The following BANP variants were observed in gnomAD, a reference collection of about 807,000 sequenced individuals.
BANP encodes the protein BTG3 associated nuclear protein.
Under a neutral mutation model 68.1 loss-of-function variants are expected in BANP, and 11 were observed. That is an observed-to-expected ratio of 0.16 (90% CI 0.10 to 0.27). The LOEUF is 0.27. Among genes scored for constraint, BANP ranks in the 10% least tolerant of loss-of-function variants. The pLI is 1.00. For missense variants in BANP, 504 were observed against 722.7 expected, an observed-to-expected ratio of 0.70 and a Z score of 3.47; for synonymous variants, 329 against 303.2, an observed-to-expected ratio of 1.09 and a Z score of -0.88.
chr16:87,980,764 G>C, intron 2 of BANP: 1 of 429,704 alleles, frequency 2.3e-6, no homozygotes, highest in South Asian at 2.6e-5. Context: ...GCCCCGCAGA[G>C]CATGGAGTCA....
chr16:87,993,247 C>A (rs1237335635), intron 4 of BANP, among the ~76,000 whole-genome samples: 1 of 152,224 alleles, frequency 6.6e-6, no homozygotes, highest in Non-Finnish European at 1.5e-5. Flanking sequence ...GTGACTCTTT[C>A]AGCTTTCATC....
At chr16:88,012,648 A>G (rs141930792) in intron 6 of BANP, among the ~76,000 whole-genome samples, 98 of 152,352 alleles carry the variant, frequency 6.4e-4, no homozygotes, top group African/African-American at 2.1e-3. Context: ...CCATCGCCTG[A>G]AAAGTGACCG....
At chr16:87,953,237 A>G (rs1198856749) in intron 1 of BANP, among the ~76,000 whole-genome samples, 1 of 152,122 alleles carries the variant, frequency 6.6e-6, no homozygotes, top group African/African-American at 2.4e-5. Context: ...AATATAATGT[A>G]TACAATAGGA....
intron 4 of BANP, among the ~76,000 whole-genome samples, chr16:87,992,153 G>A (rs1315930319): frequency 6.6e-6 from 1 of 152,206 alleles, no homozygotes; most frequent in African/African-American, 2.4e-5. Context: ...TTTTGTTAAA[G>A]TGAATTACGT....
intron 1 of BANP, among the ~76,000 whole-genome samples, chr16:87,973,069 C>T (rs1426077498): frequency 6.6e-6 from 1 of 151,982 alleles, no homozygotes; most frequent in Non-Finnish European, 1.5e-5. Flanking sequence ...TATGCTGTCA[C>T]CTCGTTCTGT....
chr16:88,068,608 G>C (rs145365431), intron 12 of BANP, among the ~76,000 whole-genome samples: 1 of 152,244 alleles, frequency 6.6e-6, no homozygotes, highest in South Asian at 2.1e-4. Flanking sequence ...CCACTGGTGC[G>C]GGTGCTGGCT....
At chr16:88,076,290 G>T (rs987811082) in intron 13 of BANP, among the ~76,000 whole-genome samples, 1 of 152,188 alleles carries the variant, frequency 6.6e-6, no homozygotes, top group African/African-American at 2.4e-5. Flanking sequence ...GCAGCGGGTT[G>T]GGGGTGGAGA....
rs1416006358 is a variant in BANP at position 88,057,377 on chromosome 16, C to T, written c.1312-7890C>T. Among the ~76,000 whole-genome samples the T allele has an allele frequency of 1.3e-5, 2 of 152,228 alleles. No individual in the cohort carries two copies. Among genetic ancestry groups the T allele is most frequent in the Admixed American group, 6.5e-5 (1 of 15,282 alleles). ...AGCTGCCTGCGAAAGGAAACCTGGG[C>T]GTTACTGCTGCACCAGGATTCCTGG... On this transcript the variant is annotated intron_variant, in intron 11 of 13. Transcript: ENST00000682872. The surrounding 1 kb of genome is among the most constrained non-coding windows in gnomAD (Gnocchi z 4.6).
chr16:87,967,112 C>T (rs1342503357), intron 1 of BANP, among the ~76,000 whole-genome samples: 6 of 152,174 alleles, frequency 3.9e-5, no homozygotes, highest in Non-Finnish European at 4.4e-5. Context: ...TCTGATGCCC[C>T]GCACCCACAG....
At chr16:88,001,637 TATA>T (rs1349030971) in intron 4 of BANP, among the ~76,000 whole-genome samples, 1 of 151,910 alleles carries the variant, frequency 6.6e-6, no homozygotes, top group Non-Finnish European at 1.5e-5. Flanking sequence ...TACAGCATAT[TATA>T]ATATTGATCT....
intron 1 of BANP, chr16:87,966,800 C>G (rs936418799): frequency 5.3e-5 from 8 of 152,330 alleles, no homozygotes; most frequent in Non-Finnish European, 1.0e-4. Flanking sequence ...TGGGTTTAGT[C>G]TGGCTGCACG....
chr16:88,067,978 C>G (rs529708644), intron 12 of BANP, among the ~76,000 whole-genome samples: 1 of 152,272 alleles, frequency 6.6e-6, no homozygotes, highest in Admixed American at 6.5e-5. Context: ...CGCCCTCCCC[C>G]CACTGTCTGC....
Position 87,975,132 on chromosome 16 carries a change from A to T in BANP, c.17A>T (p.Asp6Val). MMSEH[D>V]LADVVQIAVE... Reference sequence around the variant, plus strand: ...GTGCTCTGGATGATGTCGGAACACGACCTGGCCGATGTGGTTCAGATTGCA... The same window carrying T: ...GTGCTCTGGATGATGTCGGAACACGTCCTGGCCGATGTGGTTCAGATTGCA... The change falls in exon 2 of 14, where the codon GAC (aspartate) becomes GTC (valine). Residue 6 changes from aspartate (D) to valine (V), a missense_variant. Transcript: ENST00000682872. The T allele has an allele frequency of 6.2e-7, 1 of 1,613,954 alleles. No individual in the cohort carries two copies. Among genetic ancestry groups the T allele is most frequent in the Non-Finnish European group, 8.5e-7 (1 of 1,179,968 alleles).
At chr16:87,996,207 G>A (rs1483729147) in intron 4 of BANP, among the ~76,000 whole-genome samples, 5 of 152,126 alleles carry the variant, frequency 3.3e-5, no homozygotes, top group South Asian at 2.1e-4. Context: ...CTCTCGCCCC[G>A]TCATTTCCAC....
At chr16:88,063,540 G>A (rs1445202397) in intron 11 of BANP, among the ~76,000 whole-genome samples, 1 of 152,226 alleles carries the variant, frequency 6.6e-6, no homozygotes, top group Non-Finnish European at 1.5e-5. Flanking sequence ...GGTCATTTCT[G>A]ATCTCGCCTT....
At chr16:88,019,786 A>G (rs924905800) in intron 7 of BANP, among the ~76,000 whole-genome samples, 11 of 151,972 alleles carry the variant, frequency 7.2e-5, no homozygotes, top group Admixed American at 2.0e-4. Flanking sequence ...TGGGAAGCAC[A>G]GTGTGGCCCG....
intron 9 of BANP, among the ~76,000 whole-genome samples, chr16:88,034,605 C>T (rs2078910508): frequency 2.5e-4 from 1 of 3,932 alleles, no homozygotes; most frequent in East Asian, 0.038. Flanking sequence ...GCTTCAGCCA[C>T]ACACTGCGTA....
chr16:87,988,354 C>T (rs2064997803), intron 4 of BANP, among the ~76,000 whole-genome samples: 1 of 152,124 alleles, frequency 6.6e-6, no homozygotes, highest in African/African-American at 2.4e-5. Flanking sequence ...ACCTCTGCCT[C>T]CCAGGTTCTA....
In BANP at chr16:88,033,236, G is replaced by A. The variant is rs781030375; in HGVS notation, c.1191G>A (p.Gln397=). 1.2e-6 allele frequency: 2 copies of A among 1,601,230 alleles called. No homozygotes were observed. Among genetic ancestry groups the A allele is most frequent in the South Asian group, 1.1e-5 (1 of 89,818 alleles). ...VQIHQIGEDG[Q]VQVIPQGHLH... is the part of the protein sequence containing the mutation. ...TCCACCAGATCGGAGAAGACGGACA[G>A]GTGCAAGTAGTACGTACCCTCTCCA... The change falls in exon 9 of 14, where the codon CAG becomes CAA. Residue 397 remains glutamine (Q), a synonymous_variant. Transcript: ENST00000682872.
Sources: allele counts gnomAD v4.1 joint callset (sites outside exome capture counted in the v4.1 genomes callset), GRCh38; gene constraint gnomAD v4.1.1; non-coding constraint Gnocchi (gnomAD v3.1); transcripts MANE v1.5; gene names NCBI Gene and HGNC (gene_info 2026-07-23, HGNC 2026-07-21).